Variants in ANKRD62 observed in about 807,000 individuals in gnomAD.
ANKRD62 encodes ankyrin repeat domain-containing protein 62.
Under a neutral mutation model 98.8 loss-of-function variants are expected in ANKRD62, and 61 were observed. The observed-to-expected ratio is 0.62, with a 90% CI of 0.50 to 0.76. The LOEUF (loss-of-function observed/expected upper bound fraction) is 0.76. ANKRD62 is among the 30% of genes least tolerant of loss of function. The probability of loss-of-function intolerance (pLI) is 0.00; values close to 1 mark genes in which losing one functional copy is unlikely to be tolerated. For synonymous variants in ANKRD62, 341 were observed against 367.9 expected (o/e 0.93, Z 0.84); for missense variants, 933 against 1,082.9 (o/e 0.86, Z 1.94).
At position 12,128,612 on chromosome 18, in the gene ANKRD62, C is replaced by A. The variant is rs961415704; in HGVS notation, c.*673C>A. The A allele has an allele frequency of 6.6e-6, 1 of 152,230 alleles. No individual in the cohort carries two copies. The highest frequency in any genetic ancestry group is 2.4e-5 in the African/African-American group (1 of 41,440). 9.4% of individuals were successfully genotyped at this position (152,230 alleles called of 1,614,324 possible). ...TTTGGCATGTCAATGGACATCCCTG[C>A]ATTTTAAGATGACACTTTTAAATAA... is the stretch of plus-strand genomic sequence containing the variant. On this transcript the variant is annotated 3_prime_UTR_variant, in exon 14 of 14. Coordinates refer to ENST00000587848, the MANE Select transcript of ANKRD62 (RefSeq NM_001277333.2).
At chr18:12,102,319 A>G in intron 6 of ANKRD62, 1 of 708,086 alleles carries the variant, frequency 1.4e-6, no homozygotes, top group South Asian at 1.5e-5. Flanking sequence ...TGGCTTGGTG[A>G]CAAGCCAATG....
chr18:12,111,836 G>T (rs1237346240), intron 8 of ANKRD62, among the ~76,000 whole-genome samples: 1 of 151,930 alleles, frequency 6.6e-6, no homozygotes, highest in African/African-American at 2.4e-5. Flanking sequence ...AAAAACCTAG[G>T]AATACAGCTA....
intron 13 of ANKRD62, among the ~76,000 whole-genome samples, chr18:12,127,208 T>C (rs536147801): frequency 1.3e-5 from 2 of 152,292 alleles, no homozygotes; most frequent in Admixed American, 1.3e-4. Flanking sequence ...TTTAGACTAA[T>C]GAGGGGTGGT....
At chr18:12,096,142 C>A in intron 3 of ANKRD62, 54 bp from the exon 4 acceptor site, 2 of 1,189,148 alleles carry the variant, frequency 1.7e-6, no homozygotes, top group South Asian at 2.9e-5. Flanking sequence ...GTTTTCAGTT[C>A]AGTTGGGAAG....
intron 10 of ANKRD62, among the ~76,000 whole-genome samples, chr18:12,119,916 A>G (rs1036946726): frequency 6.6e-6 from 1 of 151,898 alleles, no homozygotes; most frequent in Non-Finnish European, 1.5e-5. Context: ...ATTCAGTTCA[A>G]AATATTTTCT....
At chr18:12,102,193 A>T (rs1163800105) in intron 6 of ANKRD62, 4 of 840,016 alleles carry the variant, frequency 4.8e-6, no homozygotes, top group African/African-American at 1.7e-5. Context: ...AGCAAGGAGT[A>T]GAGTCCGTCA....
intron 13 of ANKRD62, 23 bp downstream of exon 13, chr18:12,126,406 A>G (rs1348798849): frequency 1.3e-6 from 2 of 1,483,574 alleles, no homozygotes; most frequent in South Asian, 1.3e-5. Flanking sequence ...AAAGATAAGT[A>G]TTTTTCAAAC....
At chr18:12,173,941 C>T in the ANKRD62 span, among the ~76,000 whole-genome samples, 4 of 152,116 alleles carry the variant, frequency 2.6e-5, no homozygotes, top group African/African-American at 9.7e-5. Flanking sequence ...TCATTTCAAC[C>T]TTGGAGAGTA....
intron 6 of ANKRD62, chr18:12,102,348 C>T (rs1320196832): frequency 1.1e-5 from 7 of 657,492 alleles, no homozygotes; most frequent in Admixed American, 6.0e-5. Context: ...CCACACCATT[C>T]GGGGGTAGGT....
At chr18:12,096,866 C>T (rs1185818327) in intron 4 of ANKRD62, among the ~76,000 whole-genome samples, 6 of 151,902 alleles carry the variant, frequency 3.9e-5, no homozygotes, top group Non-Finnish European at 8.8e-5. Flanking sequence ...GTTTTTTCTT[C>T]TTTTTACTTC....
At chr18:12,154,038 T>G in the ANKRD62 span, among the ~76,000 whole-genome samples, 1 of 152,124 alleles carries the variant, frequency 6.6e-6, no homozygotes, top group Non-Finnish European at 1.5e-5. Context: ...TCCCAGACAT[T>G]GGAATGGCCA....
the ANKRD62 span, among the ~76,000 whole-genome samples, chr18:12,162,135 C>T: frequency 2.0e-5 from 3 of 152,184 alleles, no homozygotes; most frequent in African/African-American, 7.2e-5. Context: ...TATGTTTCCA[C>T]CAACAGTGTA....
rs530857605 is a variant in ANKRD62, at chr18:12,097,047, T to G, written c.615-593T>G. The stretch of plus-strand genomic sequence containing the variant: ...TCTTAGCTTTTCTGCTTACTAGATG[T>G]GTGACCTTGGGAACATTACTTATCA... On this transcript the variant is annotated intron_variant, in intron 4 of 13. Coordinates refer to ENST00000587848, the MANE Select transcript of ANKRD62 (RefSeq NM_001277333.2). Among the ~76,000 whole-genome samples, 4 of 152,258 alleles carry G rather than the reference T, an allele frequency of 2.6e-5. No homozygotes were observed. The East Asian group carries it at 7.7e-4, about 29-fold the overall frequency.
chr18:12,117,357 G>C (rs915393176), intron 10 of ANKRD62, among the ~76,000 whole-genome samples: 1 of 152,170 alleles, frequency 6.6e-6, no homozygotes, highest in Non-Finnish European at 1.5e-5. Flanking sequence ...AAGACAAAAA[G>C]CTGGCCCACA....
chr18:12,163,246 T>C, the ANKRD62 span, among the ~76,000 whole-genome samples: 1 of 152,080 alleles, frequency 6.6e-6, no homozygotes, highest in Non-Finnish European at 1.5e-5. Flanking sequence ...CCTAGGTATG[T>C]AATTTTATTT....
chr18:12,151,146 A>C, the ANKRD62 span, among the ~76,000 whole-genome samples: 1 of 152,212 alleles, frequency 6.6e-6, no homozygotes, highest in Non-Finnish European at 1.5e-5. Context: ...TCCTAATTTC[A>C]GACAAAACAG....
chr18:12,118,259 C>T (rs188520307), intron 10 of ANKRD62, among the ~76,000 whole-genome samples: 25 of 152,208 alleles, frequency 1.6e-4, no homozygotes, highest in African/African-American at 5.8e-4. Flanking sequence ...ATGTTTTTAC[C>T]ATATCCATAG....
the ANKRD62 span, among the ~76,000 whole-genome samples, chr18:12,136,218 G>A: frequency 6.6e-6 from 1 of 151,776 alleles, no homozygotes; most frequent in Non-Finnish European, 1.5e-5. Context: ...ATTAATTTTT[G>A]TATAAGGTGT....
At chr18:12,146,510 A>C in the ANKRD62 span, among the ~76,000 whole-genome samples, 7 of 152,154 alleles carry the variant, frequency 4.6e-5, no homozygotes, top group Non-Finnish European at 8.8e-5. Context: ...CAGTGGCACA[A>C]TCTCGGCTCA....
Sources: gnomAD v4.1 joint callset for allele counts (sites outside exome capture counted in the v4.1 genomes callset) on GRCh38, gnomAD v4.1.1 for gene constraint, MANE v1.5 for transcripts, NCBI Gene and HGNC (gene_info 2026-07-23, HGNC 2026-07-21) for gene names.